PDE6A: variants seen among roughly 807,000 people sequenced by gnomAD.
PDE6A encodes rod cGMP-specific 3',5'-cyclic phosphodiesterase subunit alpha.
A neutral mutation model predicts 106.3 loss-of-function variants in PDE6A; 84 were observed. The observed-to-expected ratio is 0.79, with a 90% CI of 0.66 to 0.95. The LOEUF (loss-of-function observed/expected upper bound fraction) is 0.95. PDE6A is among the 40% of genes least tolerant of loss of function. The pLI is 0.00. For synonymous variants in PDE6A, 394 were observed against 386.6 expected, an observed-to-expected ratio of 1.02 and a Z score of -0.23; for missense variants, 1,052 against 1,084.9, an observed-to-expected ratio of 0.97 and a Z score of 0.43.
In PDE6A at chr5:149,883,428, C is replaced by T. The variant is rs561600163; in HGVS notation, c.2135+1G>A. 1.9e-6 allele frequency: 3 copies of T among 1,604,838 alleles called. No homozygotes were observed. Among genetic ancestry groups the T allele is most frequent in the South Asian group, 2.2e-5 (2 of 90,934 alleles). ...CAGGTTTTAACCCCATCCCAACTCA[C>T]ATAACGATTTCCTTCCGTGTCTGCT... On this transcript the variant is annotated splice_donor_variant, in intron 17 of 21. Coordinates refer to ENST00000255266, the MANE Select transcript of PDE6A (RefSeq NM_000440.3). LOFTEE classifies it high-confidence loss of function.
intron 4 of PDE6A, among the ~76,000 whole-genome samples, chr5:149,924,013 C>T (rs550294994): frequency 7.2e-5 from 11 of 152,214 alleles, no homozygotes; most frequent in Middle Eastern, 3.4e-3. Flanking sequence ...AGCTCTTTTT[C>T]TAGACTACCA....
At chr5:149,911,702 A>AT (rs796374371) in intron 6 of PDE6A, among the ~76,000 whole-genome samples, 1 of 152,094 alleles carries the variant, frequency 6.6e-6, no homozygotes, top group East Asian at 1.9e-4. Context: ...GTTGATTTAT[A>AT]TTTTTTTAAA....
At chr5:149,873,620 C>T (rs1406646200) in intron 17 of PDE6A, among the ~76,000 whole-genome samples, 2 of 152,160 alleles carry the variant, frequency 1.3e-5, no homozygotes, top group South Asian at 2.1e-4. Flanking sequence ...GTGTGAGCCA[C>T]CACGCCTGGC....
intron 17 of PDE6A, among the ~76,000 whole-genome samples, chr5:149,871,876 G>GA (rs1266806213): frequency 6.6e-6 from 1 of 152,186 alleles, no homozygotes; most frequent in Non-Finnish European, 1.5e-5. Context: ...GCAATAAAGA[G>GA]AAATGTCCAG....
At chr5:149,920,790 T>C (rs983608543) in intron 5 of PDE6A, among the ~76,000 whole-genome samples, 4 of 151,728 alleles carry the variant, frequency 2.6e-5, no homozygotes, top group African/African-American at 9.7e-5. Context: ...TTCCCAGCAC[T>C]TTGGGAGGCC....
chr5:149,898,155 C>A (rs965452802), intron 10 of PDE6A, among the ~76,000 whole-genome samples: 1 of 152,318 alleles, frequency 6.6e-6, no homozygotes, highest in South Asian at 2.1e-4. Flanking sequence ...CACTCTCAGG[C>A]ACTCATCTGC....
intron 12 of PDE6A, 92 bp from the exon 13 acceptor site, chr5:149,895,382 T>C: frequency 1.2e-6 from 1 of 869,096 alleles, no homozygotes; most frequent in East Asian, 2.5e-5. Context: ...GCATGGCCCA[T>C]GGCCCTCTCT....
At chr5:149,926,571 C>T (rs559901174) in intron 4 of PDE6A, among the ~76,000 whole-genome samples, 1 of 152,254 alleles carries the variant, frequency 6.6e-6, no homozygotes, top group South Asian at 2.1e-4. Context: ...AATCTTAGAT[C>T]CAGGAAAGAT....
At chr5:149,915,305 A>T (rs1753518571) in intron 5 of PDE6A, among the ~76,000 whole-genome samples, 1 of 152,132 alleles carries the variant, frequency 6.6e-6, no homozygotes, top group Non-Finnish European at 1.5e-5. Flanking sequence ...CACTGCACCC[A>T]GCCAAAAAAT....
chr5:149,907,970 A>G (rs1333995829), intron 6 of PDE6A, among the ~76,000 whole-genome samples: 3 of 152,202 alleles, frequency 2.0e-5, no homozygotes, highest in Admixed American at 6.5e-5. Flanking sequence ...TTCCCCCGCA[A>G]TCATAACCTT....
chr5:149,896,295 T>C, intron 12 of PDE6A, 61 bp downstream of exon 12: 1 of 1,421,542 alleles, frequency 7.0e-7, no homozygotes. Flanking sequence ...GAGTCTTTTT[T>C]TTAAAGCAAG....
At chr5:149,883,654 G>A in intron 16 of PDE6A, 118 bp from the exon 17 acceptor site, 1 of 762,388 alleles carries the variant, frequency 1.3e-6, no homozygotes, top group East Asian at 2.7e-5. Context: ...CACAAAACAA[G>A]GTTGAAAGAG....
At chr5:149,895,023 T>C (rs1020690124) in intron 13 of PDE6A, among the ~76,000 whole-genome samples, 160 bp downstream of exon 13, 1 of 152,212 alleles carries the variant, frequency 6.6e-6, no homozygotes, top group Non-Finnish European at 1.5e-5. Flanking sequence ...ATCTCTATTC[T>C]TGGAATCCTT....
chr5:149,870,368 G>T (rs926449397), intron 17 of PDE6A, among the ~76,000 whole-genome samples: 1 of 152,132 alleles, frequency 6.6e-6, no homozygotes, highest in African/African-American at 2.4e-5. Context: ...CAGAATACAT[G>T]CCCTGTGCTT....
intron 5 of PDE6A, among the ~76,000 whole-genome samples, chr5:149,920,336 T>A (rs1417743198): frequency 6.6e-6 from 1 of 152,152 alleles, no homozygotes; most frequent in Non-Finnish European, 1.5e-5. Flanking sequence ...ATCTCAGCAC[T>A]GTGGGAGGCC....
chr5:149,863,847 C>T lies in PDE6A; in HGVS notation c.2359-581G>A, dbSNP rs1299964447. On this transcript the variant is annotated intron_variant, in intron 20 of 21. Transcript: ENST00000255266. The surrounding 1 kb of genome is among the most constrained non-coding windows in gnomAD (Gnocchi z 4.7). Reference sequence around the variant, plus strand: ...CTATGTTGCCTAGGCTGGTCTCAAGCTCCTGGCCTCAAGTGATTCTTCTGC... The same window carrying T: ...CTATGTTGCCTAGGCTGGTCTCAAGTTCCTGGCCTCAAGTGATTCTTCTGC... Among the ~76,000 whole-genome samples, 2 of 152,170 alleles carry T rather than the reference C, an allele frequency of 1.3e-5. No individual in the cohort carries two copies. Among genetic ancestry groups the T allele is most frequent in the Non-Finnish European group, 2.9e-5 (2 of 68,026 alleles).
chr5:149,908,077 C>G (rs767609326), intron 6 of PDE6A, among the ~76,000 whole-genome samples: 1 of 152,074 alleles, frequency 6.6e-6, no homozygotes, highest in African/African-American at 2.4e-5. Context: ...TTTTCCTGTA[C>G]CTGTTAGTTT....
Position 149,915,690 on chromosome 5 carries a change from T to C in PDE6A, c.934-683A>G, listed in dbSNP as rs139155078. Among the ~76,000 whole-genome samples, 11 of 152,268 alleles carry C rather than the reference T, an allele frequency of 7.2e-5. No individual in the cohort carries two copies. The East Asian group carries it at 2.1e-3, about 29-fold the overall frequency. On this transcript the variant is annotated intron_variant, in intron 5 of 21. Transcript: ENST00000255266. ...ATTGTGTGCAAGTTGATCACACAAG[T>C]TGGGACATTTTTGTCATACCCAAAT...
At chr5:149,924,412 G>GAT (rs1168301611) in intron 4 of PDE6A, among the ~76,000 whole-genome samples, 115 of 149,686 alleles carry the variant, frequency 7.7e-4, no homozygotes, top group Non-Finnish European at 1.2e-3. Context: ...TTTAGAAATA[G>GAT]ATATATATAT....
Sources: gnomAD v4.1 joint callset for allele counts (sites outside exome capture counted in the v4.1 genomes callset) on GRCh38, gnomAD v4.1.1 for gene constraint, Gnocchi (gnomAD v3.1) non-coding constraint, MANE v1.5 for transcripts, NCBI Gene and HGNC (gene_info 2026-07-23, HGNC 2026-07-21) for gene names.